The following SLC6A5 variants were observed in gnomAD, a reference collection of about 807,000 sequenced individuals.
The protein encoded by SLC6A5 is sodium- and chloride-dependent glycine transporter 2.
Under a neutral mutation model 90.5 loss-of-function variants are expected in SLC6A5, and 58 were observed. The observed-to-expected ratio is 0.64, with a 90% CI of 0.52 to 0.80. The LOEUF (loss-of-function observed/expected upper bound fraction) is 0.80. Ranked by LOEUF, SLC6A5 falls within the 30% of genes least tolerant of loss-of-function variation. SLC6A5 has a pLI of 0.00. For missense variants in SLC6A5, 1,015 were observed against 1,017.6 expected (o/e 1.00, Z 0.03); for synonymous variants, 427 against 401.4 (o/e 1.06, Z -0.76).
intron 5 of SLC6A5, among the ~76,000 whole-genome samples, chr11:20,614,212 A>G (rs928476578): frequency 1.3e-5 from 2 of 152,112 alleles, no homozygotes; most frequent in Non-Finnish European, 2.9e-5. Flanking sequence ...TTCTAATTCA[A>G]TTCGTTTCAG....
In SLC6A5 at chr11:20,659,177, A is replaced by G. The variant is rs919809878; in HGVS notation, c.*4309A>G. On this transcript the variant is annotated 3_prime_UTR_variant, in exon 16 of 16. Coordinates refer to ENST00000525748, the MANE Select transcript of SLC6A5 (RefSeq NM_004211.5). The stretch of plus-strand genomic sequence containing the variant: ...TTTTCTATTTATGTATAAAAATGCA[A>G]TTTATTGTATTATATATTTGCCTAT... The G allele has an allele frequency of 2.0e-5, 3 of 151,426 alleles. No individual in the cohort carries two copies. Among genetic ancestry groups the G allele is most frequent in the African/African-American group, 7.3e-5 (3 of 41,284 alleles). 9.4% of individuals were successfully genotyped at this position (151,426 alleles called of 1,614,324 possible). A position where few individuals can be genotyped will look rare whatever the true frequency, so the allele number is the denominator to read the frequency against.
chr11:20,641,542 C>G (rs1439096821), intron 13 of SLC6A5, among the ~76,000 whole-genome samples: 1 of 152,196 alleles, frequency 6.6e-6, no homozygotes, highest in Non-Finnish European at 1.5e-5. Flanking sequence ...CCCCTGAAAT[C>G]TGCAAATTCA....
At chr11:20,628,166 C>A in intron 9 of SLC6A5, 83 bp downstream of exon 9, 2 of 1,103,614 alleles carry the variant, frequency 1.8e-6, no homozygotes, top group Non-Finnish European at 2.8e-6. Flanking sequence ...CCTGAGGCCA[C>A]ATCCTCACAT....
In SLC6A5 at chr11:20,654,867, A is replaced by AGTCCAGTG. The variant is rs763561739; in HGVS notation, c.*2_*9dup. On this transcript the variant is annotated frameshift_variant and stop_retained_variant, in exon 16 of 16. Coordinates refer to ENST00000525748, the MANE Select transcript of SLC6A5 (RefSeq NM_004211.5). LOFTEE classifies it high-confidence loss of function. ...GATTTGGAACTGGGCACTCAGTGCT[A>AGTCCAGTG]GTCCAGTGGTGTGGGATGGTCCAGA... is the stretch of plus-strand genomic sequence containing the variant. The AGTCCAGTG allele has an allele frequency of 4.3e-6, 7 of 1,614,050 alleles. No individual in the cohort carries two copies. Among genetic ancestry groups the AGTCCAGTG allele is most frequent in the Non-Finnish European group, 5.9e-6 (7 of 1,180,006 alleles).
chr11:20,655,792 C>T lies in SLC6A5; in HGVS notation c.*924C>T, dbSNP rs1395355045. On this transcript the variant is annotated 3_prime_UTR_variant, in exon 16 of 16. Transcript: ENST00000525748. ...GACCTCTGGGAAAACAAGACTTACC[C>T]TGGTTCTGTCTATATATTATATATA... 1 of 152,182 alleles carries T rather than the reference C, an allele frequency of 6.6e-6. No homozygotes were observed. The highest frequency in any genetic ancestry group is 1.5e-5 in the Non-Finnish European group (1 of 68,040). The allele number at this position is 152,182 out of a possible 1,614,324, so 9.4% of individuals were successfully genotyped here.
intron 2 of SLC6A5, among the ~76,000 whole-genome samples, chr11:20,602,781 A>C (rs931042565): frequency 6.6e-6 from 1 of 152,092 alleles, no homozygotes; most frequent in Non-Finnish European, 1.5e-5. Context: ...TAAACATAGA[A>C]TCTCCCACTT....
intron 7 of SLC6A5, among the ~76,000 whole-genome samples, chr11:20,623,858 C>T (rs1046442110): frequency 1.3e-5 from 2 of 152,064 alleles, no homozygotes; most frequent in Admixed American, 6.6e-5. Flanking sequence ...TCCCTGAAGC[C>T]TTCCCAACCA....
chr11:20,606,855 C>A, intron 3 of SLC6A5, 152 bp from the exon 4 acceptor site: 1 of 894,702 alleles, frequency 1.1e-6, no homozygotes, highest in Non-Finnish European at 1.8e-6. Context: ...GTGACTGTTG[C>A]TGAAACAGGA....
chr11:20,599,969 C>T (rs1435603027), intron 1 of SLC6A5, among the ~76,000 whole-genome samples: 2 of 152,128 alleles, frequency 1.3e-5, no homozygotes, highest in Non-Finnish European at 2.9e-5. Context: ...GCGAGTTGCT[C>T]TGGGTCCTAG....
At chr11:20,637,670 T>A (rs1853235873) in intron 12 of SLC6A5, among the ~76,000 whole-genome samples, 1 of 152,302 alleles carries the variant, frequency 6.6e-6, no homozygotes, top group Non-Finnish European at 1.5e-5. Flanking sequence ...TCTGATTGCA[T>A]CTGTGAATAG....
intron 5 of SLC6A5, among the ~76,000 whole-genome samples, chr11:20,609,421 G>A (rs1404870037): frequency 6.6e-6 from 1 of 152,028 alleles, no homozygotes; most frequent in Non-Finnish European, 1.5e-5. Context: ...CCTTGCAGGT[G>A]TATTGGTCCT....
chr11:20,652,283 T>A lies in SLC6A5; in HGVS notation c.2071-6T>A. ...CCTAACACGTGTGTCACTTTTCTCT[T>A]TCCAGTTTATCCTTTGCTTCAGCTT... On this transcript the variant is annotated splice_region_variant and splice_polypyrimidine_tract_variant and intron_variant, in intron 14 of 15. Coordinates refer to ENST00000525748, the MANE Select transcript of SLC6A5 (RefSeq NM_004211.5). 6.2e-7 allele frequency: 1 copy of A among 1,614,118 alleles called. No homozygotes were observed. Among genetic ancestry groups the A allele is most frequent in the Non-Finnish European group, 8.5e-7 (1 of 1,179,956 alleles).
intron 12 of SLC6A5, among the ~76,000 whole-genome samples, chr11:20,637,710 G>A (rs1333090148): frequency 6.6e-6 from 1 of 152,118 alleles, no homozygotes; most frequent in Non-Finnish European, 1.5e-5. Flanking sequence ...GCAACATCGT[G>A]GGACCCTGCC....
intron 7 of SLC6A5, among the ~76,000 whole-genome samples, chr11:20,621,093 G>A (rs1409559280): frequency 6.6e-6 from 1 of 152,098 alleles, no homozygotes; most frequent in African/African-American, 2.4e-5. Flanking sequence ...GTGAGTTATC[G>A]TGCCCAGCTG....
intron 12 of SLC6A5, among the ~76,000 whole-genome samples, chr11:20,637,811 T>C (rs1853238714): frequency 6.6e-6 from 1 of 152,240 alleles, no homozygotes; most frequent in Non-Finnish European, 1.5e-5. Flanking sequence ...ATGATTAATG[T>C]CATGTATGAG....
At chr11:20,614,413 T>C (rs1390679818) in intron 5 of SLC6A5, among the ~76,000 whole-genome samples, 4 of 152,320 alleles carry the variant, frequency 2.6e-5, no homozygotes, top group Middle Eastern at 6.8e-3. Flanking sequence ...TGCAAAATAC[T>C]TGCCTACCAC....
chr11:20,628,859 C>T (rs1257199973), intron 9 of SLC6A5, among the ~76,000 whole-genome samples: 1 of 152,286 alleles, frequency 6.6e-6, no homozygotes, highest in East Asian at 1.9e-4. Context: ...ATTAATTAGT[C>T]CATTACCTTT....
At chr11:20,638,041 G>T (rs776617182) in intron 12 of SLC6A5, among the ~76,000 whole-genome samples, 14 of 152,138 alleles carry the variant, frequency 9.2e-5, no homozygotes, top group African/African-American at 2.9e-4. Context: ...TAATGTGGGG[G>T]TGTGTGAGAA....
chr11:20,638,211 G>T (rs2298826), intron 12 of SLC6A5, among the ~76,000 whole-genome samples: 2 of 151,986 alleles, frequency 1.3e-5, no homozygotes, highest in African/African-American at 4.8e-5. Context: ...ATGTTAAATC[G>T]CTTTTTTTGG....
Sources: allele counts gnomAD v4.1 joint callset (sites outside exome capture counted in the v4.1 genomes callset), GRCh38; gene constraint gnomAD v4.1.1; transcripts MANE v1.5; gene names NCBI Gene and HGNC (gene_info 2026-07-23, HGNC 2026-07-21).